UBE3C: variants seen among roughly 807,000 people sequenced by gnomAD.
UBE3C encodes the protein ubiquitin-protein ligase E3C.
In UBE3C, 42 loss-of-function variants were observed where a neutral mutation model predicts 129.4. That is an observed-to-expected ratio of 0.32 (90% confidence interval 0.25 to 0.42). The LOEUF is 0.42. UBE3C is among the 10% of genes least tolerant of loss of function. The pLI, the probability that UBE3C is intolerant of heterozygous loss-of-function variation, is 1.00. For missense variants in UBE3C, 1,049 were observed against 1,319.1 expected (o/e 0.80, Z 3.17); for synonymous variants, 510 against 492.4 (o/e 1.04, Z -0.47).
chr7:157,220,932 T>A, intron 15 of UBE3C, 156 bp downstream of exon 15: 1 of 801,360 alleles, frequency 1.2e-6, no homozygotes, highest in Non-Finnish European at 1.9e-6. Context: ...CCCACAAAAT[T>A]GCCTCTAGCT....
intron 10 of UBE3C, among the ~76,000 whole-genome samples, chr7:157,199,580 C>T (rs934210394): frequency 2.0e-5 from 3 of 152,022 alleles, no homozygotes; most frequent in African/African-American, 4.8e-5. Flanking sequence ...AGGCAATTCT[C>T]CTGCCTCAGC....
chr7:157,229,192 A>G (rs1795956401), intron 17 of UBE3C, among the ~76,000 whole-genome samples: 1 of 152,184 alleles, frequency 6.6e-6, no homozygotes, highest in Admixed American at 6.5e-5. Flanking sequence ...GCACCTGTAG[A>G]ACATTCTTAG....
intron 18 of UBE3C, among the ~76,000 whole-genome samples, chr7:157,232,941 C>A (rs973693393): frequency 6.6e-6 from 1 of 152,040 alleles, no homozygotes; most frequent in African/African-American, 2.4e-5. Context: ...GTGTACAGTT[C>A]AGTGGTTTTT....
At chr7:157,192,794 T>C in intron 10 of UBE3C, 1 of 1,302,138 alleles carries the variant, frequency 7.7e-7, no homozygotes, top group Non-Finnish European at 1.1e-6. Flanking sequence ...GTGGCAAATG[T>C]TGTCTGACTA....
At chr7:157,230,357 C>T (rs1401753467) in intron 17 of UBE3C, among the ~76,000 whole-genome samples, 2 of 150,542 alleles carry the variant, frequency 1.3e-5, no homozygotes, top group South Asian at 2.1e-4. Context: ...TGTCTTGGGC[C>T]ACAGACAAAA....
chr7:157,139,880 A>C (rs889312780), intron 1 of UBE3C: 12 of 510,450 alleles, frequency 2.4e-5, no homozygotes, highest in Non-Finnish European at 3.0e-5. Context: ...GATAATCTCT[A>C]AAGTAGAGGC....
rs11451004 is a variant in UBE3C at position 157,144,690 on chromosome 7, T to A, written c.66+5352T>A. Among the ~76,000 whole-genome samples, 1,511 of 151,382 alleles carry A rather than the reference T, an allele frequency of 1.0e-2. 31 individuals carry two copies. The highest frequency in any genetic ancestry group is 0.034 in the African/African-American group (1,414 of 41,232). On this transcript the variant is annotated intron_variant, in intron 1 of 22. Coordinates refer to ENST00000348165, the MANE Select transcript of UBE3C (RefSeq NM_014671.3). ...TTTAATGTTTGTCCAGTGCTTTTTT[T>A]AAAAAAAAATAGACTTTATTTTTTA...
intron 11 of UBE3C, among the ~76,000 whole-genome samples, chr7:157,204,397 T>G (rs1809374072): frequency 1.1e-5 from 1 of 93,100 alleles, no homozygotes; most frequent in African/African-American, 3.5e-5. Flanking sequence ...AAACTTTGTT[T>G]CAAAAAAAAA....
chr7:157,262,954 ATTT>A, intron 22 of UBE3C: 1 of 152,122 alleles, frequency 6.6e-6, no homozygotes, highest in East Asian at 1.9e-4. Context: ...TACCTTTTCT[ATTT>A]TTTAAATTTT....
chr7:157,148,934 A>T (rs1807681461), intron 1 of UBE3C, among the ~76,000 whole-genome samples: 1 of 152,058 alleles, frequency 6.6e-6, no homozygotes, highest in African/African-American at 2.4e-5. Context: ...GAAAATGTTA[A>T]TTGACTGTCA....
Position 157,231,219 on chromosome 7 carries a change from C to T in UBE3C, c.2373C>T (p.Phe791=). ...CAGGATTTAACCCCAACCAGGGGTTCTTTAAGACTACTAATGAAGGGCTTC... is the reference window on the plus strand; with the variant it reads ...CAGGATTTAACCCCAACCAGGGGTTTTTTAAGACTACTAATGAAGGGCTTC... The part of the protein sequence containing the change: ...LKSGFNPNQG[F]FKTTNEGLLY... Residue 791 remains phenylalanine (F), a synonymous_variant, in exon 18 of 23, where the codon TTC becomes TTT. Coordinates refer to ENST00000348165, the MANE Select transcript of UBE3C (RefSeq NM_014671.3). 2 of 1,614,106 alleles carry T rather than the reference C, an allele frequency of 1.2e-6. No individual in the cohort carries two copies. The highest frequency in any genetic ancestry group is 2.2e-5 in the East Asian group (1 of 44,872).
At chr7:157,175,315 T>C (rs1346568695) in intron 5 of UBE3C, among the ~76,000 whole-genome samples, 2 of 152,274 alleles carry the variant, frequency 1.3e-5, no homozygotes, top group Admixed American at 1.3e-4. Context: ...TCCTGGTTAC[T>C]GGAGAATGGA....
intron 14 of UBE3C, 43 bp downstream of exon 14, chr7:157,217,014 C>T (rs1318808458): frequency 2.7e-6 from 4 of 1,461,692 alleles, no homozygotes; most frequent in South Asian, 2.4e-5. Flanking sequence ...TTAAAAAATA[C>T]ATTCAGCTTG....
At chr7:157,165,704 T>G (rs1808195052) in intron 2 of UBE3C, among the ~76,000 whole-genome samples, 1 of 152,156 alleles carries the variant, frequency 6.6e-6, no homozygotes, top group African/African-American at 2.4e-5. Flanking sequence ...GCCTAATTGT[T>G]AAATACATCC....
intron 9 of UBE3C, among the ~76,000 whole-genome samples, chr7:157,185,789 G>A (rs1201289195): frequency 6.6e-6 from 1 of 152,038 alleles, no homozygotes; most frequent in African/African-American, 2.4e-5. Context: ...TTCTCATTCT[G>A]ATGTACTTTT....
At chr7:157,256,363 G>A (rs1016505229) in intron 21 of UBE3C, among the ~76,000 whole-genome samples, 4 of 151,992 alleles carry the variant, frequency 2.6e-5, no homozygotes, top group African/African-American at 4.8e-5. Context: ...GGCTGCTCTC[G>A]AACTCCCGAC....
At chr7:157,254,545 C>T (rs1188632069) in intron 21 of UBE3C, among the ~76,000 whole-genome samples, 1 of 151,756 alleles carries the variant, frequency 6.6e-6, no homozygotes, top group Non-Finnish European at 1.5e-5. Flanking sequence ...TTACAGGCAC[C>T]TGCCACCAGG....
intron 18 of UBE3C, among the ~76,000 whole-genome samples, chr7:157,237,826 A>C (rs1209993624): frequency 6.6e-6 from 1 of 152,018 alleles, no homozygotes; most frequent in Non-Finnish European, 1.5e-5. Flanking sequence ...TGGGAAGAAC[A>C]CTTAAGCCCA....
At chr7:157,242,053 A>G (rs534243359) in intron 18 of UBE3C, among the ~76,000 whole-genome samples, 3 of 152,310 alleles carry the variant, frequency 2.0e-5, no homozygotes, top group South Asian at 2.1e-4. Flanking sequence ...AATAATGAAA[A>G]TCTTCAGAAA....
Sources: gnomAD v4.1 joint callset for allele counts (sites outside exome capture counted in the v4.1 genomes callset) on GRCh38, gnomAD v4.1.1 for gene constraint, MANE v1.5 for transcripts, NCBI Gene and HGNC (gene_info 2026-07-23, HGNC 2026-07-21) for gene names.